UBA6: variants seen among roughly 807,000 people sequenced by gnomAD.
The protein encoded by UBA6 is ubiquitin-like modifier-activating enzyme 6.
In UBA6, 87 loss-of-function variants were observed where a neutral mutation model predicts 148.3. That is an observed-to-expected ratio of 0.59 (90% CI 0.49 to 0.70). The LOEUF (loss-of-function observed/expected upper bound fraction) is 0.70. UBA6 is among the 30% of genes least tolerant of loss of function. The pLI is 0.00. For missense variants in UBA6, 1,186 were observed against 1,241.2 expected, an observed-to-expected ratio of 0.96 and a Z score of 0.67; for synonymous variants, 376 against 401.0, an observed-to-expected ratio of 0.94 and a Z score of 0.75.
At chr4:67,647,131 T>C (rs1729437701) in intron 14 of UBA6, among the ~76,000 whole-genome samples, 4 of 152,096 alleles carry the variant, frequency 2.6e-5, no homozygotes. Flanking sequence ...CCCATTCAAT[T>C]TCAGCTACAT....
At chr4:67,661,166 T>G (rs531870089) in intron 13 of UBA6, among the ~76,000 whole-genome samples, 1 of 152,270 alleles carries the variant, frequency 6.6e-6, no homozygotes, top group East Asian at 1.9e-4. Context: ...ACTTCTGGAT[T>G]AATGCTGGAA....
chr4:67,693,951 G>A (rs897075921), intron 2 of UBA6, among the ~76,000 whole-genome samples: 2 of 151,472 alleles, frequency 1.3e-5, no homozygotes, highest in East Asian at 1.9e-4. Context: ...ACGGTGGCTC[G>A]CGCCTGTAAT....
intron 12 of UBA6, 67 bp from the exon 13 acceptor site, chr4:67,662,322 A>C: frequency 1.5e-5 from 21 of 1,371,220 alleles, no homozygotes; most frequent in Non-Finnish European, 2.1e-5. Flanking sequence ...GGACATACTC[A>C]AAATTAAAAT....
At chr4:67,641,707 T>C (rs1729312148) in intron 17 of UBA6, among the ~76,000 whole-genome samples, 1 of 151,816 alleles carries the variant, frequency 6.6e-6, no homozygotes, top group African/African-American at 2.4e-5. Flanking sequence ...CCTATTTTTG[T>C]AACTAAAGTT....
chr4:67,616,643 C>G lies in UBA6; in HGVS notation c.*2354G>C, dbSNP rs1054317647. 1 of 152,152 alleles carries G rather than the reference C, an allele frequency of 6.6e-6. No homozygotes were observed. The highest frequency in any genetic ancestry group is 2.4e-5 in the African/African-American group (1 of 41,420). 9.4% of individuals were successfully genotyped at this position (152,152 alleles called of 1,614,324 possible). On this transcript the variant is annotated 3_prime_UTR_variant, in exon 33 of 33. Transcript: ENST00000322244. ...TTTTAAAAGAATTTCCTGGAGCCAT[C>G]TGAGGACATTTGAGGTAATGTCCTT...
intron 2 of UBA6, among the ~76,000 whole-genome samples, chr4:67,687,985 A>G (rs1238438856): frequency 1.3e-5 from 2 of 152,228 alleles, no homozygotes; most frequent in African/African-American, 4.8e-5. Flanking sequence ...TATCTGAGAA[A>G]GAAGAGTCAT....
chr4:67,670,609 A>ACAAGTT lies in UBA6; in HGVS notation c.547-23_547-18dup. ...ACTGATAAACTGTAAAATGGCAAAA[A>ACAAGTT]CAAGTTCAATCTTATTTATATAAAG... On this transcript the variant is annotated splice_polypyrimidine_tract_variant and intron_variant, in intron 7 of 32. Transcript: ENST00000322244. The ACAAGTT allele has an allele frequency of 1.9e-6, 3 of 1,590,840 alleles. No individual in the cohort carries two copies. The highest frequency in any genetic ancestry group is 1.7e-6 in the Non-Finnish European group (2 of 1,166,844).
chr4:67,657,008 C>T (rs928868048), intron 13 of UBA6, among the ~76,000 whole-genome samples: 1 of 152,020 alleles, frequency 6.6e-6, no homozygotes, highest in Admixed American at 6.6e-5. Context: ...AGAAGTACAA[C>T]CCACTGCTCA....
Position 67,701,061 on chromosome 4 carries a change from C to CA in UBA6, c.58dup (p.Trp20LeufsTer8). ...CTCGTCCTCTCACCTGCCAGTCCCC[C>CA]AGGAAGAACAGGACGCCTCTTCCCC... On this transcript the variant is annotated frameshift_variant, in exon 1 of 33. Coordinates refer to ENST00000322244, the MANE Select transcript of UBA6 (RefSeq NM_018227.6). LOFTEE classifies it high-confidence loss of function. The CA allele has an allele frequency of 6.2e-7, 1 of 1,613,826 alleles. No individual in the cohort carries two copies. The highest frequency in any genetic ancestry group is 8.5e-7 in the Non-Finnish European group (1 of 1,179,780).
At chr4:67,667,652 C>T (rs1192781276) in intron 9 of UBA6, among the ~76,000 whole-genome samples, 1 of 152,126 alleles carries the variant, frequency 6.6e-6, no homozygotes, top group African/African-American at 2.4e-5. Flanking sequence ...ATGCGTTGTC[C>T]AGTACTTTGA....
At chr4:67,645,188 T>C (rs912777706) in intron 16 of UBA6, among the ~76,000 whole-genome samples, 49 of 152,142 alleles carry the variant, frequency 3.2e-4, no homozygotes, top group Admixed American at 3.2e-3. Context: ...TAAAGATGAT[T>C]AATAAGAATA....
At chr4:67,698,771 C>T (rs1331628758) in intron 1 of UBA6, among the ~76,000 whole-genome samples, 1 of 152,128 alleles carries the variant, frequency 6.6e-6, no homozygotes, top group Non-Finnish European at 1.5e-5. Flanking sequence ...ACCAGCCTGA[C>T]CAACGTGGTG....
chr4:67,633,283 T>C (rs1729043426), intron 23 of UBA6, 62 bp downstream of exon 23: 2 of 1,387,812 alleles, frequency 1.4e-6, no homozygotes, highest in African/African-American at 1.5e-5. Context: ...TGAAATTAAT[T>C]TGTTAATAAC....
intron 6 of UBA6, among the ~76,000 whole-genome samples, chr4:67,674,762 C>A (rs1730236800): frequency 6.6e-6 from 1 of 152,138 alleles, no homozygotes; most frequent in Non-Finnish European, 1.5e-5. Flanking sequence ...GAATATTGCT[C>A]TTTTCTATTG....
chr4:67,642,677 A>AT (rs1164284772), intron 17 of UBA6, among the ~76,000 whole-genome samples: 2 of 152,074 alleles, frequency 1.3e-5, no homozygotes, highest in Non-Finnish European at 2.9e-5. Context: ...ATTATCTTCT[A>AT]TTTATTGCTG....
At chr4:67,620,528 G>A (rs1048893032) in intron 32 of UBA6, among the ~76,000 whole-genome samples, 1 of 152,112 alleles carries the variant, frequency 6.6e-6, no homozygotes, top group Non-Finnish European at 1.5e-5. Context: ...TAAAGCAAAG[G>A]TCCTACAATG....
intron 32 of UBA6, among the ~76,000 whole-genome samples, chr4:67,622,230 T>G (rs769640608): frequency 9.9e-5 from 15 of 152,244 alleles, no homozygotes; most frequent in Non-Finnish European, 2.1e-4. Flanking sequence ...CCTTTCAGTC[T>G]CTGCTCAAAT....
In UBA6 at chr4:67,631,738, G is replaced by A; in HGVS notation, c.2228C>T (p.Ser743Phe). ...CTCATTTAAATCAAATTTTATTGGA[G>A]AGGGTGGCCTCTTTGGTGACTGCCA... is the stretch of plus-strand genomic sequence containing the variant. ...LFWQSPKRPP[S>F]PIKFDLNEPL... Residue 743 changes from serine to phenylalanine, a missense_variant, in exon 25 of 33, where the codon TCT (serine) becomes TTT (phenylalanine). Ser to Phe is a radical substitution (Grantham distance 155, BLOSUM62 -2). Transcript: ENST00000322244. 2 of 1,610,832 alleles carry A rather than the reference G, an allele frequency of 1.2e-6. No homozygotes were observed. Among genetic ancestry groups the A allele is most frequent in the South Asian group, 2.2e-5 (2 of 90,680 alleles).
At chr4:67,685,496 G>A (rs575574929) in intron 2 of UBA6, among the ~76,000 whole-genome samples, 2 of 152,234 alleles carry the variant, frequency 1.3e-5, no homozygotes, top group South Asian at 4.2e-4. Context: ...GTTTGAACAA[G>A]TTCAGATTTT....
Sources: gnomAD v4.1 joint callset for allele counts (sites outside exome capture counted in the v4.1 genomes callset) on GRCh38, gnomAD v4.1.1 for gene constraint, MANE v1.5 for transcripts, NCBI Gene and HGNC (gene_info 2026-07-23, HGNC 2026-07-21) for gene names.